Variants in GRID2 observed in about 807,000 individuals in gnomAD.
GRID2 encodes glutamate ionotropic receptor delta type subunit 2.
Under a neutral mutation model 114.8 loss-of-function variants are expected in GRID2, and 33 were observed. The observed-to-expected ratio is 0.29, with a 90% CI of 0.22 to 0.38. GRID2 has a LOEUF of 0.38. Among genes scored for constraint, GRID2 ranks in the 10% least tolerant of loss-of-function variants. The pLI is 1.00. For missense variants in GRID2, 1,184 were observed against 1,257.7 expected (o/e 0.94, Z 0.89); for synonymous variants, 505 against 449.9 (o/e 1.12, Z -1.55).
intron 1 of GRID2, among the ~76,000 whole-genome samples, chr4:92,437,457 C>A (rs1472995419): frequency 1.3e-5 from 2 of 151,968 alleles, no homozygotes; most frequent in African/African-American, 4.8e-5. Context: ...TTTTTGTAGA[C>A]AGGGTTTTGC....
At chr4:93,566,075 C>T (rs576028329) in intron 13 of GRID2, among the ~76,000 whole-genome samples, 12 of 152,206 alleles carry the variant, frequency 7.9e-5, no homozygotes, top group East Asian at 3.9e-4. Context: ...TTTTCTAAGA[C>T]GTCAATGTCC....
intron 1 of GRID2, among the ~76,000 whole-genome samples, chr4:92,457,134 G>A (rs62312227): frequency 0.021 from 3,244 of 151,966 alleles, 54 homozygotes; most frequent in Non-Finnish European, 0.034. Context: ...TATTTTTTCT[G>A]TTTGTAATTT....
At chr4:92,382,145 T>C (rs192357695) in intron 1 of GRID2, among the ~76,000 whole-genome samples, 1 of 152,044 alleles carries the variant, frequency 6.6e-6, no homozygotes, top group Non-Finnish European at 1.5e-5. Context: ...GATTTGAAAT[T>C]TAGTAAAATT....
At position 93,192,768 on chromosome 4, in the gene GRID2, AAAAG is replaced by A. The variant is rs1326804737; in HGVS notation, c.736-14634_736-14631del. 3.3e-4 allele frequency among the ~76,000 whole-genome samples: 50 copies of A among 151,594 alleles called. No homozygotes were observed. In the East Asian group the frequency reaches 6.9e-3, roughly 21 times the overall value. On this transcript the variant is annotated intron_variant, in intron 4 of 15. Coordinates refer to ENST00000282020, the MANE Select transcript of GRID2 (RefSeq NM_001510.4). Reference sequence around the variant, plus strand: ...ATCTCAAAAAAAAAAAAAAAAAAAAAAAAGAGATTTCTGTTGATTTTAAAATTAT... The same window carrying A: ...ATCTCAAAAAAAAAAAAAAAAAAAAAAGATTTCTGTTGATTTTAAAATTAT...
In GRID2 at chr4:92,483,545, T is replaced by C. The variant is rs141305788; in HGVS notation, c.89-106586T>C. ...TAAAGCTCTCGTTACTGAATAAATA[T>C]CACTGGGACGATCAAAGCTAGAGTA... On this transcript the variant is annotated intron_variant, in intron 1 of 15. Coordinates refer to ENST00000282020, the MANE Select transcript of GRID2 (RefSeq NM_001510.4). 3.0e-3 allele frequency among the ~76,000 whole-genome samples: 458 copies of C among 152,216 alleles called. 2 individuals are homozygous for C. The highest frequency in any genetic ancestry group is 5.3e-3 in the Non-Finnish European group (359 of 68,010).
chr4:92,863,133 G>GA (rs1485543302), intron 2 of GRID2, among the ~76,000 whole-genome samples: 1 of 152,022 alleles, frequency 6.6e-6, no homozygotes, highest in Non-Finnish European at 1.5e-5. Context: ...TCTGTCTGAT[G>GA]AAAAAAGACT....
chr4:92,930,689 A>G (rs996736251), intron 2 of GRID2, among the ~76,000 whole-genome samples: 5 of 150,730 alleles, frequency 3.3e-5, no homozygotes, highest in African/African-American at 7.3e-5. Context: ...GCAAATTAAA[A>G]TAAATATATG....
intron 13 of GRID2, among the ~76,000 whole-genome samples, chr4:93,537,149 A>T (rs1183939049): frequency 1.3e-5 from 2 of 151,760 alleles, no homozygotes; most frequent in African/African-American, 4.8e-5. Context: ...CTGAAAGCTA[A>T]AGTGTTTATA....
At chr4:93,181,152 C>A (rs1739858195) in intron 4 of GRID2, among the ~76,000 whole-genome samples, 1 of 152,100 alleles carries the variant, frequency 6.6e-6, no homozygotes, top group African/African-American at 2.4e-5. Flanking sequence ...GGACTACAGA[C>A]TGGATGTTGT....
intron 13 of GRID2, among the ~76,000 whole-genome samples, chr4:93,599,177 T>C (rs945614025): frequency 6.6e-6 from 1 of 152,184 alleles, no homozygotes; most frequent in African/African-American, 2.4e-5. Flanking sequence ...CAACAAATGT[T>C]GTTGGATGGA....
intron 2 of GRID2, among the ~76,000 whole-genome samples, chr4:93,053,553 G>T (rs1726925667): frequency 6.6e-6 from 1 of 151,908 alleles, no homozygotes; most frequent in Admixed American, 6.6e-5. Context: ...AATAAATGAA[G>T]ACTTAGCTTC....
chr4:93,742,022 T>G (rs1249120795), intron 14 of GRID2, among the ~76,000 whole-genome samples: 1 of 150,772 alleles, frequency 6.6e-6, no homozygotes, highest in Non-Finnish European at 1.5e-5. Context: ...ATCTAGGAAA[T>G]AGGTTTGGGA....
At chr4:93,160,002 T>A (rs1476586164) in intron 4 of GRID2, among the ~76,000 whole-genome samples, 1 of 151,778 alleles carries the variant, frequency 6.6e-6, no homozygotes, top group East Asian at 1.9e-4. Flanking sequence ...CTAGAATGTG[T>A]TTGAACTTAG....
chr4:92,872,446 T>C (rs1027106012), intron 2 of GRID2, among the ~76,000 whole-genome samples: 2 of 152,270 alleles, frequency 1.3e-5, no homozygotes, highest in East Asian at 3.9e-4. Context: ...TGCATATTTT[T>C]GGTAAGGAGA....
intron 2 of GRID2, among the ~76,000 whole-genome samples, chr4:92,845,887 C>T (rs1270355579): frequency 2.6e-5 from 4 of 152,042 alleles, no homozygotes; most frequent in East Asian, 1.9e-4. Flanking sequence ...TTATGATATT[C>T]GACAATGTCT....
chr4:93,760,626 C>A (rs1733125718), intron 14 of GRID2, among the ~76,000 whole-genome samples: 1 of 152,190 alleles, frequency 6.6e-6, no homozygotes, highest in Non-Finnish European at 1.5e-5. Context: ...CTCCCAGGTC[C>A]AGTACTAACA....
intron 2 of GRID2, among the ~76,000 whole-genome samples, chr4:92,848,741 C>T (rs1446616244): frequency 6.6e-6 from 1 of 151,800 alleles, no homozygotes. Context: ...GAGATAGGGT[C>T]TTTAAAGAGG....
chr4:92,647,854 C>A (rs1376729977), intron 2 of GRID2, among the ~76,000 whole-genome samples: 1 of 149,676 alleles, frequency 6.7e-6, no homozygotes, highest in African/African-American at 2.5e-5. Flanking sequence ...TTGAAATGTT[C>A]CTTATCTATA....
At chr4:93,090,680 C>T (rs1184622939) in intron 3 of GRID2, among the ~76,000 whole-genome samples, 1 of 152,120 alleles carries the variant, frequency 6.6e-6, no homozygotes, top group African/African-American at 2.4e-5. Context: ...CTGATCTTTA[C>T]TTAAACAGTT....
Sources: gnomAD v4.1 joint callset for allele counts (sites outside exome capture counted in the v4.1 genomes callset) on GRCh38, gnomAD v4.1.1 for gene constraint, MANE v1.5 for transcripts, NCBI Gene and HGNC (gene_info 2026-07-23, HGNC 2026-07-21) for gene names.